PCYT1B: variants seen among roughly 807,000 people sequenced by gnomAD.
PCYT1B encodes choline-phosphate cytidylyltransferase B.
A neutral mutation model predicts 26.4 loss-of-function variants in PCYT1B; 10 were observed. The ratio of observed to expected loss-of-function variants is 0.38; its 90% CI spans 0.23 to 0.64. The LOEUF (loss-of-function observed/expected upper bound fraction) is 0.64, where lower values mean the gene tolerates loss of function less well. Ranked by LOEUF, PCYT1B falls within the 30% of genes least tolerant of loss-of-function variation. The probability of loss-of-function intolerance (pLI) is 0.56; values close to 1 mark genes in which losing one functional copy is unlikely to be tolerated. For missense variants in PCYT1B, 161 were observed against 292.7 expected (o/e 0.55, Z 3.28); for synonymous variants, 131 against 108.4 (o/e 1.21, Z -1.29).
At chrX:24,601,075 G>C (rs1419203635) in intron 3 of PCYT1B, among the ~76,000 whole-genome samples, 1 of 112,167 alleles carries the variant, frequency 8.9e-6, no homozygotes, top group African/African-American at 3.2e-5. Context: ...TGGGTATGGT[G>C]GTGACTTTTT....
At chrX:24,625,865 G>A (rs1047554283) in intron 1 of PCYT1B, among the ~76,000 whole-genome samples, 1 of 108,029 alleles carries the variant, frequency 9.3e-6, no homozygotes, top group Non-Finnish European at 1.9e-5. Flanking sequence ...TGTAATCCCA[G>A]CACTTTGGGA....
intron 1 of PCYT1B, among the ~76,000 whole-genome samples, chrX:24,664,887 G>T (rs184427728): frequency 1.8e-5 from 2 of 111,754 alleles, no homozygotes; most frequent in Non-Finnish European, 3.8e-5. Context: ...GAACCTGGGA[G>T]GCAGAGGTTG....
At chrX:24,610,235 T>A (rs945691822) in intron 2 of PCYT1B, among the ~76,000 whole-genome samples, 15 of 112,058 alleles carry the variant, frequency 1.3e-4, no homozygotes, top group Non-Finnish European at 2.3e-4. Context: ...GCAACCTCAT[T>A]AATTTGGAAC....
intron 3 of PCYT1B, among the ~76,000 whole-genome samples, chrX:24,604,347 T>C (rs1925057235): frequency 9.0e-6 from 1 of 110,553 alleles, no homozygotes; most frequent in Non-Finnish European, 1.9e-5. Flanking sequence ...CAACTCAGCC[T>C]CCCAAAGTGC....
intron 1 of PCYT1B, among the ~76,000 whole-genome samples, chrX:24,631,925 T>C (rs1235062182): frequency 2.5e-5 from 2 of 80,553 alleles, no homozygotes; most frequent in Non-Finnish European, 5.3e-5. Context: ...AGAGCAAGAC[T>C]GTCTCAAAAA....
chrX:24,648,449 AT>A (rs57744798), upstream of PCYT1B, among the ~76,000 whole-genome samples: 418 of 39,651 alleles, frequency 0.011, 1 homozygote, highest in African/African-American at 0.045. Context: ...ATTTGAAGGA[AT>A]TTTTTTTTTT....
chrX:24,624,684 T>A (rs776293336), intron 1 of PCYT1B, among the ~76,000 whole-genome samples: 1 of 111,823 alleles, frequency 8.9e-6, no homozygotes, highest in African/African-American at 3.2e-5. Context: ...TCCTCTCTGC[T>A]AGGAAGCAGT....
chrX:24,584,147 C>T (rs988287829), intron 5 of PCYT1B, among the ~76,000 whole-genome samples: 1 of 110,490 alleles, frequency 9.1e-6, no homozygotes, highest in African/African-American at 3.3e-5. Context: ...CCAGTCTGGG[C>T]AACATAGGGA....
chrX:24,593,989 GC>G (rs1924698492), intron 3 of PCYT1B, among the ~76,000 whole-genome samples: 1 of 110,924 alleles, frequency 9.0e-6, no homozygotes, highest in Admixed American at 9.6e-5. Context: ...CATATGTCTG[GC>G]CTGAAAACTG....
intron 3 of PCYT1B, among the ~76,000 whole-genome samples, chrX:24,604,602 T>C (rs932935480): frequency 1.8e-5 from 2 of 111,182 alleles, no homozygotes; most frequent in Non-Finnish European, 3.8e-5. Flanking sequence ...TGGAATGCAA[T>C]AGCTATGCAG....
chrX:24,631,857 C>T (rs184982210), intron 1 of PCYT1B, among the ~76,000 whole-genome samples: 37 of 110,127 alleles, frequency 3.4e-4, no homozygotes, highest in East Asian at 8.6e-4. Flanking sequence ...CCCAGCTACT[C>T]GGGAGGGGGA....
At chrX:24,583,631 A>G (rs1034908265) in intron 5 of PCYT1B, among the ~76,000 whole-genome samples, 6 of 112,320 alleles carry the variant, frequency 5.3e-5, no homozygotes, top group African/African-American at 1.6e-4. Flanking sequence ...TCCCCAAATC[A>G]GGAAAGCAAC....
intron 1 of PCYT1B, among the ~76,000 whole-genome samples, chrX:24,623,967 C>CTTTT (rs1347821643): frequency 2.3e-5 from 2 of 85,258 alleles, no homozygotes; most frequent in African/African-American, 4.3e-5. Flanking sequence ...CTAAGCTATA[C>CTTTT]TTTTTTTTTT....
chrX:24,652,807 G>A (rs1926811832), intron 1 of PCYT1B, among the ~76,000 whole-genome samples: 1 of 111,172 alleles, frequency 9.0e-6, no homozygotes, highest in Non-Finnish European at 1.9e-5. Context: ...TTTTCGGCCA[G>A]GCACGGTGGC....
intron 1 of PCYT1B, among the ~76,000 whole-genome samples, chrX:24,671,452 G>A (rs1484128449): frequency 2.7e-5 from 3 of 111,231 alleles, no homozygotes; most frequent in African/African-American, 9.8e-5. Flanking sequence ...CCAAATTTAA[G>A]ATAACATGGA....
At chrX:24,624,190 T>C (rs190457770) in intron 1 of PCYT1B, among the ~76,000 whole-genome samples, 1,725 of 110,176 alleles carry the variant, frequency 0.016, 16 homozygotes, top group Non-Finnish European at 0.02. Context: ...AGGATGGTCT[T>C]GATCTCCTGA....
intron 5 of PCYT1B, among the ~76,000 whole-genome samples, chrX:24,585,433 G>A (rs1460158345): frequency 1.8e-5 from 2 of 111,835 alleles, no homozygotes; most frequent in African/African-American, 6.5e-5. Context: ...GAGGAATATG[G>A]AAGGAAGCCA....
chrX:24,651,387 G>A (rs1310228289), upstream of PCYT1B, among the ~76,000 whole-genome samples: 14 of 94,983 alleles, frequency 1.5e-4, no homozygotes, highest in East Asian at 3.3e-4. Flanking sequence ...CCTCGGAGGC[G>A]GAGGTTGCAG....
At chrX:24,618,373 T>C (rs1569249079) in intron 2 of PCYT1B, among the ~76,000 whole-genome samples, 1 of 112,189 alleles carries the variant, frequency 8.9e-6, no homozygotes, top group East Asian at 2.8e-4. Flanking sequence ...TAGGTATTGT[T>C]ATCCCTGTTT....
Sources: gnomAD v4.1 joint callset for allele counts (sites outside exome capture counted in the v4.1 genomes callset) on GRCh38, gnomAD v4.1.1 for gene constraint, MANE v1.5 for transcripts, NCBI Gene and HGNC (gene_info 2026-07-23, HGNC 2026-07-21) for gene names.